Variants in MEF2C observed in about 807,000 individuals in gnomAD.
The protein encoded by MEF2C is myocyte-specific enhancer factor 2C.
MEF2C carries 6 observed loss-of-function variants against 50.5 expected under a neutral mutation model. The ratio of observed to expected loss-of-function variants is 0.12; its 90% CI spans 0.07 to 0.23. The LOEUF (loss-of-function observed/expected upper bound fraction) is 0.23, where lower values mean the gene tolerates loss of function less well. Ranked by LOEUF, MEF2C falls within the 10% of genes least tolerant of loss-of-function variation. The pLI is 1.00. For missense variants in MEF2C, 276 were observed against 605.0 expected, an observed-to-expected ratio of 0.46 and a Z score of 5.70; for synonymous variants, 183 against 228.0, an observed-to-expected ratio of 0.80 and a Z score of 1.78.
rs189075430 is a variant in MEF2C at position 88,819,500 on chromosome 5, C to A, written c.54+4235G>T. Reference sequence around the variant, plus strand: ...ATCTTCCTTCAGCTCCTCAGTCAAGCTCTTTCCTCTCTTAAGGAACTTTGC... The same window carrying A: ...ATCTTCCTTCAGCTCCTCAGTCAAGATCTTTCCTCTCTTAAGGAACTTTGC... On this transcript the variant is annotated intron_variant, in intron 2 of 10. Transcript: ENST00000504921. 377 of 442,008 alleles carry A rather than the reference C, an allele frequency of 8.5e-4. 4 individuals are homozygous for A. The highest frequency in any genetic ancestry group is 7.9e-3 in the African/African-American group (369 of 46,690). 27.4% of individuals were successfully genotyped at this position (442,008 alleles called of 1,614,324 possible).
chr5:88,803,915 A>C (rs1456534828), intron 3 of MEF2C, among the ~76,000 whole-genome samples: 1 of 152,192 alleles, frequency 6.6e-6, no homozygotes, highest in East Asian at 1.9e-4. Flanking sequence ...ATGCTTATTT[A>C]TTTTGGGCAC....
At chr5:88,806,981 T>TTAGA (rs1800723857) in intron 2 of MEF2C, among the ~76,000 whole-genome samples, 1 of 152,170 alleles carries the variant, frequency 6.6e-6, no homozygotes, top group Non-Finnish European at 1.5e-5. Context: ...TGTGAAATCT[T>TTAGA]CAGAAAGATA....
intron 3 of MEF2C, among the ~76,000 whole-genome samples, chr5:88,791,588 T>C (rs889035402): frequency 2.0e-5 from 3 of 152,118 alleles, no homozygotes; most frequent in Admixed American, 2.0e-4. Context: ...ATAAATGAGA[T>C]GTGAAGCAGC....
At chr5:88,807,785 T>A (rs954855145) in intron 2 of MEF2C, among the ~76,000 whole-genome samples, 3 of 152,198 alleles carry the variant, frequency 2.0e-5, no homozygotes, top group African/African-American at 7.2e-5. Flanking sequence ...TATTTGAAGA[T>A]GTTATTATGA....
intron 6 of MEF2C, chr5:88,743,503 T>A: frequency 1.0e-6 from 1 of 984,596 alleles, no homozygotes; most frequent in Non-Finnish European, 1.2e-6. Flanking sequence ...ATATGCTAAG[T>A]TTTTTCTTTT....
intron 3 of MEF2C, among the ~76,000 whole-genome samples, chr5:88,785,912 T>C (rs887743992): frequency 1.3e-5 from 2 of 152,066 alleles, no homozygotes; most frequent in African/African-American, 4.8e-5. Flanking sequence ...GTCGGGCCTG[T>C]GGTTTTTTGA....
intron 6 of MEF2C, chr5:88,736,263 G>A: frequency 5.5e-6 from 1 of 180,626 alleles, no homozygotes; most frequent in Non-Finnish European, 8.0e-6. Flanking sequence ...GGGAGGCCGA[G>A]GCGGGTGGAT....
At chr5:88,794,521 C>T (rs939174773) in intron 3 of MEF2C, among the ~76,000 whole-genome samples, 3 of 152,052 alleles carry the variant, frequency 2.0e-5, no homozygotes, top group African/African-American at 4.8e-5. Flanking sequence ...GTTTAAGCTC[C>T]TTATAGATTC....
chr5:88,778,978 CT>C (rs1786317444), intron 3 of MEF2C, among the ~76,000 whole-genome samples: 1 of 152,236 alleles, frequency 6.6e-6, no homozygotes, highest in African/African-American at 2.4e-5. Flanking sequence ...CGGAGCTCCC[CT>C]GTTTTCTCTG....
At chr5:88,822,580 C>T (rs1808909500) in intron 2 of MEF2C, among the ~76,000 whole-genome samples, 1 of 151,880 alleles carries the variant, frequency 6.6e-6, no homozygotes, top group Non-Finnish European at 1.5e-5. Context: ...TAATGGCGTA[C>T]TGACTTTGAT....
At chr5:88,741,151 C>T (rs2152416204) in intron 6 of MEF2C, 1 of 985,420 alleles carries the variant, frequency 1.0e-6, no homozygotes, top group African/African-American at 1.7e-5. Context: ...TGCTGGACAT[C>T]TCTGTGAAGC....
intron 6 of MEF2C, chr5:88,738,514 G>C (rs913578404): frequency 1.2e-6 from 1 of 865,100 alleles, no homozygotes; most frequent in Admixed American, 6.2e-5. Flanking sequence ...CCAGGAATTT[G>C]CTCAATGTCA....
intron 6 of MEF2C, chr5:88,736,896 T>C: frequency 1.0e-6 from 1 of 985,400 alleles, no homozygotes; most frequent in Non-Finnish European, 1.2e-6. Flanking sequence ...TTGGCTCTCC[T>C]GTTTAATTCA....
chr5:88,868,775 C>G (rs558005817), intron 1 of MEF2C, among the ~76,000 whole-genome samples: 10 of 152,186 alleles, frequency 6.6e-5, no homozygotes, highest in Admixed American at 2.0e-4. Context: ...AATGAAATTA[C>G]TTACAGGTTA....
intron 1 of MEF2C, among the ~76,000 whole-genome samples, chr5:88,835,097 A>G (rs774333329): frequency 3.9e-5 from 6 of 152,234 alleles, no homozygotes; most frequent in Non-Finnish European, 7.3e-5. Flanking sequence ...GGCAATGGCC[A>G]CTGGTTGAAA....
At chr5:88,734,587 T>TTG (rs1763280069) in intron 6 of MEF2C, 1 of 970,172 alleles carries the variant, frequency 1.0e-6, no homozygotes, top group African/African-American at 1.8e-5. Context: ...TTTTTTTTTT[T>TTG]TTTTTTTTTT....
In MEF2C at chr5:88,729,213, C is replaced by A; in HGVS notation, c.964+5G>T. 1 of 1,612,876 alleles carries A rather than the reference C, an allele frequency of 6.2e-7. No homozygotes were observed. Among genetic ancestry groups the A allele is most frequent in the Non-Finnish European group, 8.5e-7 (1 of 1,179,208 alleles). On this transcript the variant is annotated splice_donor_5th_base_variant and intron_variant, in intron 9 of 10. Transcript: ENST00000504921. ...GTACTAATTGCACATGACAAAGCTA[C>A]TCACCGGTACCATATGTTGTTGAAA... is the stretch of plus-strand genomic sequence containing the variant.
At chr5:88,801,806 A>C (rs1001127355) in intron 3 of MEF2C, among the ~76,000 whole-genome samples, 7 of 152,006 alleles carry the variant, frequency 4.6e-5, no homozygotes, top group African/African-American at 1.7e-4. Context: ...ACTTTTTATA[A>C]ATGCAACTTC....
upstream of MEF2C, among the ~76,000 whole-genome samples, chr5:88,886,648 T>C (rs1834076093): frequency 6.6e-6 from 1 of 152,254 alleles, no homozygotes. Context: ...CTGGGATTGA[T>C]GTACTACTGT....
Sources: gnomAD v4.1 joint callset for allele counts (sites outside exome capture counted in the v4.1 genomes callset) on GRCh38, gnomAD v4.1.1 for gene constraint, MANE v1.5 for transcripts, NCBI Gene and HGNC (gene_info 2026-07-23, HGNC 2026-07-21) for gene names.